The following NCKAP5 variants were observed in gnomAD, a reference collection of about 807,000 sequenced individuals.
NCKAP5 encodes the protein nck-associated protein 5.
Under a neutral mutation model 167.0 loss-of-function variants are expected in NCKAP5, and 92 were observed. That is an observed-to-expected ratio of 0.55 (90% CI 0.47 to 0.66). The LOEUF (loss-of-function observed/expected upper bound fraction) is 0.66, where lower values mean the gene tolerates loss of function less well. Among genes scored for constraint, NCKAP5 ranks in the 30% least tolerant of loss-of-function variants. The probability of loss-of-function intolerance (pLI) is 0.00; values close to 1 mark genes in which losing one functional copy is unlikely to be tolerated. For synonymous variants in NCKAP5, 891 were observed against 877.4 expected, an observed-to-expected ratio of 1.02 and a Z score of -0.27; for missense variants, 2,378 against 2,315.0, an observed-to-expected ratio of 1.03 and a Z score of -0.56.
At chr2:133,251,992 C>A (rs2088365615) in intron 4 of NCKAP5, among the ~76,000 whole-genome samples, 1 of 152,108 alleles carries the variant, frequency 6.6e-6, no homozygotes, top group Non-Finnish European at 1.5e-5. Context: ...TCATAACCCA[C>A]TAAAATTTTA....
intron 19 of NCKAP5, among the ~76,000 whole-genome samples, chr2:132,675,081 A>G (rs1005055818): frequency 6.6e-6 from 1 of 152,230 alleles, no homozygotes; most frequent in East Asian, 1.9e-4. Context: ...TCATTTAAGA[A>G]CCACAAGTAT....
intron 4 of NCKAP5, among the ~76,000 whole-genome samples, chr2:133,215,079 A>G (rs938743399): frequency 1.3e-5 from 2 of 152,186 alleles, no homozygotes; most frequent in Non-Finnish European, 2.9e-5. Flanking sequence ...GAGACATTCC[A>G]GGTATACAAG....
the NCKAP5 span, among the ~76,000 whole-genome samples, chr2:133,647,376 AAAGGAAGGAAGG>A: frequency 6.8e-4 from 56 of 82,526 alleles, no homozygotes; most frequent in East Asian, 1.5e-3. Context: ...AGGAAGAAAG[AAAGGAAGGAAGG>A]AAGGAAGGAA....
intron 4 of NCKAP5, among the ~76,000 whole-genome samples, chr2:133,251,746 T>G (rs1337158061): frequency 1.3e-5 from 2 of 151,938 alleles, no homozygotes; most frequent in Admixed American, 1.3e-4. Flanking sequence ...TTCATACAAA[T>G]AAAAAGAAAA....
Position 132,973,363 on chromosome 2 carries a change from C to A in NCKAP5, c.430-9494G>T, listed in dbSNP as rs374203496. 1.1e-4 allele frequency among the ~76,000 whole-genome samples: 17 copies of A among 152,298 alleles called. No individual in the cohort carries two copies. The East Asian group carries it at 1.5e-3, about 14-fold the overall frequency. ...GGGTAGAGACATCTAGCCCCATTTT[C>A]AGTAAGCCTTAGAACAAGTAGAAGA... On this transcript the variant is annotated intron_variant, in intron 7 of 19. Coordinates refer to ENST00000409261, the MANE Select transcript of NCKAP5 (RefSeq NM_207363.3).
chr2:133,149,707 TA>T (rs1280280353), intron 5 of NCKAP5, among the ~76,000 whole-genome samples: 1 of 152,166 alleles, frequency 6.6e-6, no homozygotes, highest in East Asian at 1.9e-4. Context: ...ATTTAGTAAT[TA>T]CTTCTTGCCA....
In NCKAP5 at chr2:133,115,041, G is replaced by A. The variant is rs139158486; in HGVS notation, c.341+14937C>T. On this transcript the variant is annotated intron_variant, in intron 6 of 19. Transcript: ENST00000409261. ...ACTTCTCTCCACTGAGGATGATTTAGTTACAGGTCTTAAAGACAGAATGCT... is the reference window on the plus strand; with the variant it reads ...ACTTCTCTCCACTGAGGATGATTTAATTACAGGTCTTAAAGACAGAATGCT... 1.3e-4 allele frequency among the ~76,000 whole-genome samples: 20 copies of A among 152,246 alleles called. No homozygotes were observed. The East Asian group carries it at 3.9e-3, about 29-fold the overall frequency.
chr2:133,004,471 G>T (rs941521861), intron 6 of NCKAP5, among the ~76,000 whole-genome samples: 3 of 152,102 alleles, frequency 2.0e-5, no homozygotes, highest in African/African-American at 7.2e-5. Flanking sequence ...ATGTCGACAG[G>T]TTCCATGATG....
intron 3 of NCKAP5, among the ~76,000 whole-genome samples, chr2:133,487,075 G>A (rs935016207): frequency 6.6e-6 from 1 of 152,144 alleles, no homozygotes; most frequent in Admixed American, 6.6e-5. Flanking sequence ...ACATTTTCCT[G>A]TTTGGAGAAC....
chr2:132,718,221 G>A (rs1689558753), intron 19 of NCKAP5, among the ~76,000 whole-genome samples: 1 of 152,156 alleles, frequency 6.6e-6, no homozygotes, highest in African/African-American at 2.4e-5. Flanking sequence ...ATAAACTAGT[G>A]TAGAAGTCAA....
intron 4 of NCKAP5, among the ~76,000 whole-genome samples, 177 bp from the exon 5 acceptor site, chr2:133,213,956 A>G (rs1320375434): frequency 6.6e-6 from 1 of 152,168 alleles, no homozygotes; most frequent in Non-Finnish European, 1.5e-5. Context: ...CATTGTTTTC[A>G]TTGAGTGTCA....
intron 16 of NCKAP5, among the ~76,000 whole-genome samples, chr2:132,732,938 C>T (rs555611885): frequency 6.6e-5 from 10 of 152,250 alleles, no homozygotes; most frequent in South Asian, 2.1e-4. Context: ...GAGAAGACTG[C>T]GAGCCACTTT....
At chr2:133,491,445 A>T (rs1411151145) in intron 3 of NCKAP5, among the ~76,000 whole-genome samples, 1 of 152,200 alleles carries the variant, frequency 6.6e-6, no homozygotes, top group African/African-American at 2.4e-5. Flanking sequence ...AGAGAGGTCC[A>T]ACAGCGTCAC....
At chr2:133,538,512 T>A (rs998657135) in intron 2 of NCKAP5, among the ~76,000 whole-genome samples, 3 of 152,006 alleles carry the variant, frequency 2.0e-5, no homozygotes, top group African/African-American at 7.2e-5. Context: ...GTAGGTAAAT[T>A]CCCTGGCATA....
At chr2:132,684,132 A>AT (rs1471094546) in intron 19 of NCKAP5, among the ~76,000 whole-genome samples, 12 of 152,334 alleles carry the variant, frequency 7.9e-5, no homozygotes, top group South Asian at 4.1e-4. Context: ...AATAAACTTC[A>AT]TTTTTGTCTC....
chr2:132,889,165 G>T (rs537939226), intron 8 of NCKAP5, among the ~76,000 whole-genome samples: 1 of 152,266 alleles, frequency 6.6e-6, no homozygotes, highest in African/African-American at 2.4e-5. Flanking sequence ...GGGAGTGAAG[G>T]AGCCATCTTG....
intron 8 of NCKAP5, among the ~76,000 whole-genome samples, chr2:132,937,050 A>T (rs1696904242): frequency 6.6e-6 from 1 of 152,212 alleles, no homozygotes; most frequent in Non-Finnish European, 1.5e-5. Flanking sequence ...CACTGAGGGT[A>T]ACTTGAGATC....
At chr2:133,463,061 T>C (rs904580999) in intron 3 of NCKAP5, among the ~76,000 whole-genome samples, 1 of 152,210 alleles carries the variant, frequency 6.6e-6, no homozygotes, top group African/African-American at 2.4e-5. Flanking sequence ...GGAACATTTA[T>C]TGCTCCCCTG....
At chr2:133,137,518 T>C (rs1041826049) in intron 5 of NCKAP5, among the ~76,000 whole-genome samples, 1 of 147,694 alleles carries the variant, frequency 6.8e-6, no homozygotes, top group African/African-American at 2.5e-5. Flanking sequence ...GGGTAGAGGG[T>C]AGAAATTTCA....
Sources: gnomAD v4.1 joint callset for allele counts (sites outside exome capture counted in the v4.1 genomes callset) on GRCh38, gnomAD v4.1.1 for gene constraint, MANE v1.5 for transcripts, NCBI Gene and HGNC (gene_info 2026-07-23, HGNC 2026-07-21) for gene names.